The following HP1BP3 variants were observed in gnomAD, a reference collection of about 807,000 sequenced individuals.
HP1BP3 encodes heterochromatin protein 1-binding protein 3.
Under a neutral mutation model 62.5 loss-of-function variants are expected in HP1BP3, and 12 were observed. The observed-to-expected ratio is 0.19, with a 90% CI of 0.12 to 0.31. The LOEUF (loss-of-function observed/expected upper bound fraction) is 0.31. Among genes scored for constraint, HP1BP3 ranks in the 10% least tolerant of loss-of-function variants. HP1BP3 has a pLI of 1.00. For synonymous variants in HP1BP3, 260 were observed against 237.8 expected (o/e 1.09, Z -0.86); for missense variants, 502 against 651.8 (o/e 0.77, Z 2.50).
chr1:20,756,053 G>A (rs1256510408), intron 9 of HP1BP3, among the ~76,000 whole-genome samples: 4 of 152,152 alleles, frequency 2.6e-5, no homozygotes, highest in East Asian at 1.9e-4. Context: ...AGAAATGTCC[G>A]AAAATTGGAC....
At chr1:20,774,624 C>T (rs2057217595) in intron 4 of HP1BP3, 1 of 152,126 alleles carries the variant, frequency 6.6e-6, no homozygotes, top group African/African-American at 2.4e-5. Flanking sequence ...CACAGCGCAG[C>T]ACGTTACTCA....
intron 7 of HP1BP3, among the ~76,000 whole-genome samples, chr1:20,765,735 C>T (rs2056748826): frequency 1.3e-5 from 2 of 151,936 alleles, no homozygotes; most frequent in African/African-American, 2.4e-5. Context: ...CTTTGGGAGG[C>T]CGAGGTGGGC....
Position 20,744,762 on chromosome 1 carries a change from G to A in HP1BP3, c.*35C>T, listed in dbSNP as rs2055199955. ...CACTGACCTTAGAAAATAAGATTTT[G>A]AATTTCATCATGATACCCTTTTTTC... On this transcript the variant is annotated 3_prime_UTR_variant, in exon 13 of 13. Transcript: ENST00000438032. 5.9e-6 allele frequency: 9 copies of A among 1,536,622 alleles called. No individual in the cohort carries two copies. Among genetic ancestry groups the A allele is most frequent in the African/African-American group, 1.4e-5 (1 of 71,850 alleles).
intron 9 of HP1BP3, chr1:20,755,316 C>A (rs1294716674): frequency 4.5e-6 from 2 of 446,582 alleles, no homozygotes; most frequent in South Asian, 3.1e-5. Flanking sequence ...ACCTGTAATT[C>A]CAACACTTTG....
At chr1:20,769,388 T>C (rs1218448529) in intron 6 of HP1BP3, among the ~76,000 whole-genome samples, 5 of 151,968 alleles carry the variant, frequency 3.3e-5, no homozygotes, top group African/African-American at 1.2e-4. Context: ...CAAAACCTTG[T>C]CTCTACAAAG....
At chr1:20,777,571 G>A (rs1475314083) in intron 3 of HP1BP3, among the ~76,000 whole-genome samples, 1 of 151,980 alleles carries the variant, frequency 6.6e-6, no homozygotes, top group East Asian at 1.9e-4. Context: ...CGATTCTCCT[G>A]CCTCAGCCTC....
chr1:20,780,604 A>C, intron 1 of HP1BP3, 64 bp from the exon 2 acceptor site: 1 of 589,258 alleles, frequency 1.7e-6, no homozygotes, highest in Non-Finnish European at 3.1e-6. Context: ...AAACGTCTAA[A>C]TTTAATACAC....
chr1:20,784,566 C>T (rs1007142121), intron 1 of HP1BP3, among the ~76,000 whole-genome samples: 1 of 151,546 alleles, frequency 6.6e-6, no homozygotes, highest in African/African-American at 2.4e-5. Context: ...GCAACCTCCC[C>T]TCCCGGTTCA....
Position 20,744,734 on chromosome 1 carries a change from G to T in HP1BP3, c.*63C>A. ...TGAAAAGCATCAAAACTAAACAAAT[G>T]CACACTGACCTTAGAAAATAAGATT... On this transcript the variant is annotated 3_prime_UTR_variant, in exon 13 of 13. Coordinates refer to ENST00000438032, the MANE Select transcript of HP1BP3 (RefSeq NM_001372052.1). 7.1e-7 allele frequency: 1 copy of T among 1,399,468 alleles called. No homozygotes were observed. The highest frequency in any genetic ancestry group is 9.7e-7 in the Non-Finnish European group (1 of 1,027,372). The allele number at this position is 1,399,468 out of a possible 1,614,324, so 86.7% of individuals were successfully genotyped here. A position where few individuals can be genotyped will look rare whatever the true frequency, so the allele number is the denominator to read the frequency against.
chr1:20,781,407 T>A (rs2057539829), intron 1 of HP1BP3, among the ~76,000 whole-genome samples: 1 of 152,176 alleles, frequency 6.6e-6, no homozygotes. Context: ...ACTTGGCAAG[T>A]AACAGTCCCA....
intron 9 of HP1BP3, among the ~76,000 whole-genome samples, chr1:20,752,349 T>C (rs552643653): frequency 6.6e-6 from 1 of 151,758 alleles, no homozygotes; most frequent in East Asian, 1.9e-4. Flanking sequence ...GGCTGGAGTG[T>C]AATGGCGCGG....
intron 1 of HP1BP3, among the ~76,000 whole-genome samples, chr1:20,783,545 A>C (rs953600885): frequency 1.3e-5 from 2 of 151,876 alleles, no homozygotes; most frequent in East Asian, 1.9e-4. Context: ...CAATTTAAAA[A>C]AAAAACAAAA....
intron 3 of HP1BP3, among the ~76,000 whole-genome samples, chr1:20,777,209 GTC>G (rs2057341097): frequency 6.6e-6 from 1 of 151,836 alleles, no homozygotes; most frequent in African/African-American, 2.4e-5. Context: ...TTCACAGCAT[GTC>G]TCTGAGTAGC....
At chr1:20,773,706 T>C (rs1234270717) in intron 4 of HP1BP3, 96 bp from the exon 5 acceptor site, 4 of 798,022 alleles carry the variant, frequency 5.0e-6, no homozygotes, top group Non-Finnish European at 7.1e-6. Flanking sequence ...TAAAAATTAA[T>C]GCTTTAATTT....
Position 20,785,787 on chromosome 1 carries a change from T to C in HP1BP3, c.-101+1408A>G, listed in dbSNP as rs143534065. ...CCAACCAACCCAGCAAACTTTAAAA[T>C]GTTACTTCTATTTTGAAACAAATTA... On this transcript the variant is annotated intron_variant, in intron 1 of 12. Coordinates refer to ENST00000438032, the MANE Select transcript of HP1BP3 (RefSeq NM_001372052.1). Among the ~76,000 whole-genome samples, 703 of 152,318 alleles carry C rather than the reference T, an allele frequency of 4.6e-3. 6 individuals carry two copies. The highest frequency in any genetic ancestry group is 0.016 in the African/African-American group (672 of 41,562).
In HP1BP3 at chr1:20,741,310, A is replaced by G. The variant is rs1167660613; in HGVS notation, c.*3487T>C. Among the ~76,000 whole-genome samples the G allele has an allele frequency of 1.3e-5, 2 of 152,262 alleles. No individual in the cohort carries two copies. The highest frequency in any genetic ancestry group is 2.9e-5 in the Non-Finnish European group (2 of 68,052). ...CGTATCAAGATGGCAAGAGGGTCAC[A>G]GCCTGAGAGAGAATAATTTCACAGG... is the stretch of plus-strand genomic sequence containing the variant. On this transcript the variant is annotated 3_prime_UTR_variant, in exon 13 of 13. Coordinates refer to ENST00000438032, the MANE Select transcript of HP1BP3 (RefSeq NM_001372052.1).
intron 6 of HP1BP3, among the ~76,000 whole-genome samples, chr1:20,769,596 TAG>T (rs2154540909): frequency 6.6e-6 from 1 of 152,214 alleles, no homozygotes; most frequent in South Asian, 2.1e-4. Context: ...AATTTTTTTG[TAG>T]AGACAGGGCC....
intron 5 of HP1BP3, among the ~76,000 whole-genome samples, chr1:20,771,538 A>G (rs1179745811): frequency 6.6e-6 from 1 of 152,228 alleles, no homozygotes; most frequent in African/African-American, 2.4e-5. Context: ...AATCTGAATA[A>G]GTGGCATAAA....
chr1:20,767,677 A>C lies in HP1BP3; in HGVS notation c.655-13T>G. On this transcript the variant is annotated splice_polypyrimidine_tract_variant and intron_variant, in intron 6 of 12. Coordinates refer to ENST00000438032, the MANE Select transcript of HP1BP3 (RefSeq NM_001372052.1). ...CTTTTCCTTTAACCTAAAGTAAATT[A>C]ATTTTTGTTATTCTAGTATTCATAA... 6.4e-7 allele frequency: 1 copy of C among 1,551,016 alleles called. No homozygotes were observed. Among genetic ancestry groups the C allele is most frequent in the African/African-American group, 1.4e-5 (1 of 72,818 alleles).
Sources: allele counts gnomAD v4.1 joint callset (sites outside exome capture counted in the v4.1 genomes callset), GRCh38; gene constraint gnomAD v4.1.1; transcripts MANE v1.5; gene names NCBI Gene and HGNC (gene_info 2026-07-23, HGNC 2026-07-21).